The following RBM46 variants were observed in gnomAD, a reference collection of about 807,000 sequenced individuals.
The protein encoded by RBM46 is RNA binding motif protein 46.
A neutral mutation model predicts 43.3 loss-of-function variants in RBM46; 12 were observed. That is an observed-to-expected ratio of 0.28 (90% CI 0.18 to 0.45). RBM46 has a LOEUF of 0.45. Among genes scored for constraint, RBM46 ranks in the 20% least tolerant of loss-of-function variants. The pLI is 1.00. For synonymous variants in RBM46, 205 were observed against 207.6 expected, an observed-to-expected ratio of 0.99 and a Z score of 0.11; for missense variants, 412 against 639.1, an observed-to-expected ratio of 0.64 and a Z score of 3.83.
intron 1 of RBM46, chr4:154,787,035 A>G (rs944673516): frequency 1.9e-4 from 29 of 152,246 alleles, no homozygotes; most frequent in African/African-American, 6.8e-4. Context: ...GGAGGAATTG[A>G]GGGAAAGCTG....
intron 4 of RBM46, among the ~76,000 whole-genome samples, chr4:154,810,156 C>T (rs973981867): frequency 5.3e-5 from 8 of 151,812 alleles, no homozygotes; most frequent in Admixed American, 3.9e-4. Flanking sequence ...TTCTATATTT[C>T]ATTATTAAAT....
At chr4:154,827,769 T>C in intron 4 of RBM46, 99 bp from the exon 5 acceptor site, 1 of 1,568,782 alleles carries the variant, frequency 6.4e-7, no homozygotes, top group South Asian at 1.2e-5. Context: ...TGTTAGAACA[T>C]TATGTTAAAA....
At chr4:154,814,219 T>G (rs1238490593) in intron 4 of RBM46, among the ~76,000 whole-genome samples, 2 of 152,044 alleles carry the variant, frequency 1.3e-5, no homozygotes, top group Non-Finnish European at 2.9e-5. Flanking sequence ...CTGACTCTGG[T>G]CTCTGAAGTT....
chr4:154,819,140 A>G (rs961748759), intron 4 of RBM46, among the ~76,000 whole-genome samples: 7 of 152,188 alleles, frequency 4.6e-5, no homozygotes, highest in African/African-American at 1.4e-4. Flanking sequence ...TGTGGAGACA[A>G]TTTGAAGGCT....
At chr4:154,816,752 A>G (rs1010957625) in intron 4 of RBM46, among the ~76,000 whole-genome samples, 4 of 152,062 alleles carry the variant, frequency 2.6e-5, no homozygotes, top group African/African-American at 9.7e-5. Flanking sequence ...ATTATGATAA[A>G]AACCATCCTT....
At position 154,800,007 on chromosome 4, in the gene RBM46, G is replaced by A. The variant is rs182434580; in HGVS notation, c.1402+443G>A. On this transcript the variant is annotated intron_variant, in intron 4 of 4. Transcript: ENST00000281722. ...AGGATGGTCTCGATCTCCTGACCTC[G>A]TGATCTGCCCGCCTCGGCCTCCCAA... 3.8e-3 allele frequency among the ~76,000 whole-genome samples: 580 copies of A among 152,082 alleles called. 3 individuals are homozygous for A. The highest frequency in any genetic ancestry group is 0.014 in the Middle Eastern group (4 of 292).
Position 154,795,173 on chromosome 4 carries a change from C to T in RBM46, c.-11-1569C>T, listed in dbSNP as rs954908122. Among the ~76,000 whole-genome samples, 5 of 152,066 alleles carry T rather than the reference C, an allele frequency of 3.3e-5. No individual in the cohort carries two copies. In the East Asian group the frequency reaches 7.7e-4, roughly 23 times the overall value. On this transcript the variant is annotated intron_variant, in intron 1 of 4. Coordinates refer to ENST00000281722, the MANE Select transcript of RBM46 (RefSeq NM_144979.5). ...TATTTTAAACCCTTTATTTTGAATC[C>T]CCTGAATCCTTCTACCCTGAGGTAG...
intron 4 of RBM46, among the ~76,000 whole-genome samples, chr4:154,803,813 A>G (rs554011480): frequency 6.6e-6 from 1 of 151,098 alleles, no homozygotes; most frequent in Non-Finnish European, 1.5e-5. Context: ...GAATCCTGAT[A>G]TAGTTTGGAC....
At chr4:154,808,511 T>G (rs1735022757) in intron 4 of RBM46, among the ~76,000 whole-genome samples, 1 of 151,986 alleles carries the variant, frequency 6.6e-6, no homozygotes, top group Non-Finnish European at 1.5e-5. Flanking sequence ...CTGGCCAGAT[T>G]ATGGGGTAAA....
intron 4 of RBM46, chr4:154,827,488 A>G: frequency 9.9e-7 from 1 of 1,007,498 alleles, no homozygotes; most frequent in Non-Finnish European, 1.2e-6. Context: ...AGCAAATATG[A>G]ATTCACTGTT....
intron 4 of RBM46, among the ~76,000 whole-genome samples, chr4:154,811,472 A>G (rs1735167476): frequency 6.6e-6 from 1 of 152,168 alleles, no homozygotes; most frequent in East Asian, 1.9e-4. Flanking sequence ...TTTTATATAT[A>G]CTAAGTACCA....
chr4:154,800,006 C>T (rs1734550098), intron 4 of RBM46, among the ~76,000 whole-genome samples: 4 of 152,114 alleles, frequency 2.6e-5, no homozygotes, highest in Admixed American at 2.0e-4. Context: ...CTCCTGACCT[C>T]GTGATCTGCC....
intron 2 of RBM46, among the ~76,000 whole-genome samples, chr4:154,797,413 C>T (rs1271472265): frequency 6.6e-6 from 1 of 152,196 alleles, no homozygotes; most frequent in Non-Finnish European, 1.5e-5. Flanking sequence ...CTTCCTTTCT[C>T]ACGTACATGT....
intron 4 of RBM46, chr4:154,827,191 T>C (rs1736008618): frequency 1.0e-5 from 9 of 891,496 alleles, no homozygotes; most frequent in Non-Finnish European, 1.2e-5. Flanking sequence ...AATAATTTGG[T>C]TTAATTGGAT....
intron 1 of RBM46, among the ~76,000 whole-genome samples, chr4:154,786,657 G>A (rs184558503): frequency 2.0e-5 from 3 of 151,850 alleles, no homozygotes; most frequent in East Asian, 2.0e-4. Context: ...GGCCAGGTGC[G>A]ATGGCTCACG....
intron 1 of RBM46, among the ~76,000 whole-genome samples, chr4:154,793,912 C>T (rs887920349): frequency 4.6e-5 from 7 of 152,036 alleles, no homozygotes; most frequent in East Asian, 1.9e-4. Flanking sequence ...TTTGAGTGAT[C>T]GTTTGATATT....
At chr4:154,811,665 G>GTC (rs746082180) in intron 4 of RBM46, among the ~76,000 whole-genome samples, 80 of 133,006 alleles carry the variant, frequency 6.0e-4, no homozygotes, top group African/African-American at 2.0e-3. Flanking sequence ...GTGTGTGTGT[G>GTC]TGTCTGTGTG....
chr4:154,796,050 C>T (rs971637062), intron 1 of RBM46, among the ~76,000 whole-genome samples: 6 of 152,116 alleles, frequency 3.9e-5, no homozygotes, highest in Admixed American at 2.0e-4. Flanking sequence ...TGCCTGCAGT[C>T]CCAGCTACTT....
At chr4:154,811,663 GTGTGTC>G (rs745708033) in intron 4 of RBM46, among the ~76,000 whole-genome samples, 1,329 of 128,412 alleles carry the variant, frequency 0.01, 12 homozygotes, top group East Asian at 0.052. Context: ...GTGTGTGTGT[GTGTGTC>G]TGTGTGTGTG....
Sources: allele counts gnomAD v4.1 joint callset (sites outside exome capture counted in the v4.1 genomes callset), GRCh38; gene constraint gnomAD v4.1.1; transcripts MANE v1.5; gene names NCBI Gene and HGNC (gene_info 2026-07-23, HGNC 2026-07-21).